Variants in NKAIN3 observed in about 807,000 individuals in gnomAD.
The protein encoded by NKAIN3 is sodium/potassium transporting ATPase interacting 3.
In NKAIN3, 25 loss-of-function variants were observed where a neutral mutation model predicts 30.2. The observed-to-expected ratio is 0.83, with a 90% confidence interval of 0.60 to 1.16. The LOEUF (loss-of-function observed/expected upper bound fraction) is 1.16, where lower values mean the gene tolerates loss of function less well. Ranked by LOEUF, NKAIN3 falls within the 50% of genes most tolerant of loss-of-function variation. NKAIN3 has a pLI of 0.00. For synonymous variants in NKAIN3, 91 were observed against 89.6 expected (o/e 1.02, Z -0.09); for missense variants, 225 against 254.1 (o/e 0.89, Z 0.78).
chr8:62,528,393 T>C (rs919488762), intron 1 of NKAIN3, among the ~76,000 whole-genome samples: 6 of 149,686 alleles, frequency 4.0e-5, no homozygotes, highest in African/African-American at 1.5e-4. Context: ...AAAATGTTTC[T>C]ATAAGGACTT....
At chr8:62,704,560 G>T (rs998011480) in intron 3 of NKAIN3, among the ~76,000 whole-genome samples, 1 of 152,110 alleles carries the variant, frequency 6.6e-6, no homozygotes, top group Non-Finnish European at 1.5e-5. Context: ...GATAAGAATT[G>T]CTCAAAAGCT....
At chr8:62,291,398 G>T (rs1419647348) in intron 1 of NKAIN3, among the ~76,000 whole-genome samples, 1 of 152,062 alleles carries the variant, frequency 6.6e-6, no homozygotes, top group African/African-American at 2.4e-5. Flanking sequence ...TCCCTCTATA[G>T]ACTGCTTTGA....
intron 1 of NKAIN3, among the ~76,000 whole-genome samples, chr8:62,258,715 C>T (rs541426485): frequency 6.6e-5 from 10 of 151,932 alleles, no homozygotes; most frequent in Admixed American, 3.9e-4. Context: ...ACAAATCATT[C>T]GTTAAAAATA....
intron 1 of NKAIN3, among the ~76,000 whole-genome samples, chr8:62,363,054 A>G (rs1416692831): frequency 6.6e-6 from 1 of 152,148 alleles, no homozygotes; most frequent in East Asian, 1.9e-4. Flanking sequence ...ACAAGGACTC[A>G]AATATAGAAG....
At chr8:62,390,085 A>C (rs908368159) in intron 1 of NKAIN3, among the ~76,000 whole-genome samples, 14 of 152,096 alleles carry the variant, frequency 9.2e-5, no homozygotes, top group African/African-American at 3.4e-4. Flanking sequence ...TATATTGGTA[A>C]CTTGAGATAT....
At chr8:62,823,130 T>C in intron 4 of NKAIN3, among the ~76,000 whole-genome samples, 1 of 152,228 alleles carries the variant, frequency 6.6e-6, no homozygotes, top group East Asian at 1.9e-4. Context: ...GCCTGGGCGA[T>C]TACTATATAC....
chr8:62,649,876 C>T (rs187402570), intron 3 of NKAIN3, among the ~76,000 whole-genome samples: 5 of 152,152 alleles, frequency 3.3e-5, no homozygotes, highest in Admixed American at 1.3e-4. Context: ...CCAAACAGGC[C>T]CCATCTATTT....
intron 3 of NKAIN3, among the ~76,000 whole-genome samples, chr8:62,652,888 C>G (rs1812665477): frequency 6.6e-6 from 1 of 152,254 alleles, no homozygotes; most frequent in African/African-American, 2.4e-5. Flanking sequence ...AAAGTCAAAA[C>G]TCAGGTCTGA....
intron 4 of NKAIN3, among the ~76,000 whole-genome samples, chr8:62,826,794 C>T (rs979907803): frequency 6.6e-6 from 1 of 152,122 alleles, no homozygotes; most frequent in Admixed American, 6.6e-5. Flanking sequence ...TGTACTGTAG[C>T]TAGGAAAACA....
intron 1 of NKAIN3, among the ~76,000 whole-genome samples, chr8:62,533,585 T>C (rs185890263): frequency 6.6e-6 from 1 of 152,208 alleles, no homozygotes; most frequent in African/African-American, 2.4e-5. Flanking sequence ...TTCTCTCTAC[T>C]TGGAAGGCCC....
intron 1 of NKAIN3, among the ~76,000 whole-genome samples, chr8:62,277,921 C>A (rs1329955018): frequency 6.6e-6 from 1 of 152,112 alleles, no homozygotes; most frequent in Non-Finnish European, 1.5e-5. Context: ...ATAAAGGAGA[C>A]TTTACCTTTA....
At chr8:62,935,908 G>GA (rs1822770666) in intron 5 of NKAIN3, among the ~76,000 whole-genome samples, 1 of 151,968 alleles carries the variant, frequency 6.6e-6, no homozygotes, top group African/African-American at 2.4e-5. Context: ...TTCAAATACT[G>GA]AAAAAATCTA....
At chr8:62,934,152 A>G (rs1272930228) in intron 5 of NKAIN3, among the ~76,000 whole-genome samples, 1 of 152,216 alleles carries the variant, frequency 6.6e-6, no homozygotes, top group East Asian at 1.9e-4. Context: ...TGGGAAGCCA[A>G]GGTGGAAAGA....
chr8:62,568,051 C>A (rs1189948483), intron 1 of NKAIN3, among the ~76,000 whole-genome samples: 5 of 152,102 alleles, frequency 3.3e-5, no homozygotes, highest in Non-Finnish European at 7.4e-5. Context: ...CTGAAAAGTG[C>A]AACTTTCCTT....
chr8:62,543,894 A>C (rs1166671734), intron 1 of NKAIN3, among the ~76,000 whole-genome samples: 1 of 152,206 alleles, frequency 6.6e-6, no homozygotes, highest in African/African-American at 2.4e-5. Flanking sequence ...CAGTGCAAAA[A>C]GTAAAACTTA....
At chr8:62,728,713 G>A (rs1347570346) in intron 3 of NKAIN3, among the ~76,000 whole-genome samples, 1 of 151,430 alleles carries the variant, frequency 6.6e-6, no homozygotes, top group African/African-American at 2.4e-5. Context: ...ACTCCTGGCC[G>A]GGCGCAGTGG....
intron 4 of NKAIN3, among the ~76,000 whole-genome samples, chr8:62,897,754 A>G (rs900828735): frequency 2.6e-5 from 4 of 151,950 alleles, no homozygotes; most frequent in African/African-American, 9.7e-5. Flanking sequence ...GTGACTTCTC[A>G]CTCTCATGGT....
chr8:62,686,099 G>A (rs551835953), intron 3 of NKAIN3, among the ~76,000 whole-genome samples: 10 of 152,146 alleles, frequency 6.6e-5, no homozygotes, highest in African/African-American at 1.9e-4. Context: ...GACCTATCAC[G>A]GCTTACTCTC....
intron 3 of NKAIN3, among the ~76,000 whole-genome samples, chr8:62,628,722 T>C (rs531144436): frequency 6.6e-6 from 1 of 152,220 alleles, no homozygotes; most frequent in Admixed American, 6.5e-5. Context: ...TTCATTTGTG[T>C]TCCAGTTTAT....
Sources: gnomAD v4.1 joint callset for allele counts (sites outside exome capture counted in the v4.1 genomes callset) on GRCh38, gnomAD v4.1.1 for gene constraint, MANE v1.5 for transcripts, NCBI Gene and HGNC (gene_info 2026-07-23, HGNC 2026-07-21) for gene names.